FSTL4: variants seen among roughly 807,000 people sequenced by gnomAD.
FSTL4 encodes follistatin like 4.
A neutral mutation model predicts 78.2 loss-of-function variants in FSTL4; 28 were observed. The ratio of observed to expected loss-of-function variants is 0.36; its 90% CI spans 0.27 to 0.49. The LOEUF (loss-of-function observed/expected upper bound fraction) is 0.49. Ranked by LOEUF, FSTL4 falls within the 20% of genes least tolerant of loss-of-function variation. The pLI, the probability that FSTL4 is intolerant of heterozygous loss-of-function variation, is 0.98. For synonymous variants in FSTL4, 422 were observed against 440.5 expected (o/e 0.96, Z 0.53); for missense variants, 922 against 1,084.9 (o/e 0.85, Z 2.11).
intron 4 of FSTL4, among the ~76,000 whole-genome samples, chr5:133,392,823 T>C (rs1396333074): frequency 6.6e-6 from 1 of 152,184 alleles, no homozygotes; most frequent in Admixed American, 6.5e-5. Context: ...TCGGAGGCTG[T>C]AGCTTGTTTC....
At chr5:133,218,508 G>T (rs757376333) in intron 12 of FSTL4, among the ~76,000 whole-genome samples, 1 of 152,062 alleles carries the variant, frequency 6.6e-6, no homozygotes, top group Non-Finnish European at 1.5e-5. Context: ...TTCTTGTTCA[G>T]AATAAAATCC....
At chr5:133,793,503 G>A in the FSTL4 span, among the ~76,000 whole-genome samples, 7 of 152,236 alleles carry the variant, frequency 4.6e-5, no homozygotes, top group African/African-American at 1.7e-4. Flanking sequence ...AGGCTCAGAG[G>A]ACCTAAGTCC....
At chr5:133,685,641 C>A in the FSTL4 span, among the ~76,000 whole-genome samples, 2 of 152,242 alleles carry the variant, frequency 1.3e-5, no homozygotes, top group Non-Finnish European at 2.9e-5. Context: ...TGCCTCACCC[C>A]TCTCAGTGGG....
At chr5:133,343,868 G>A (rs997267630) in intron 4 of FSTL4, among the ~76,000 whole-genome samples, 1 of 152,148 alleles carries the variant, frequency 6.6e-6, no homozygotes, top group African/African-American at 2.4e-5. Context: ...CAGGATGGTC[G>A]AGGGAAACAA....
intron 3 of FSTL4, among the ~76,000 whole-genome samples, chr5:133,405,186 T>A (rs1756329361): frequency 6.6e-6 from 1 of 152,174 alleles, no homozygotes; most frequent in Admixed American, 6.5e-5. Context: ...GACCTAGCAC[T>A]GAATTCCACA....
the FSTL4 span, among the ~76,000 whole-genome samples, chr5:133,668,492 C>T: frequency 6.6e-6 from 1 of 152,222 alleles, no homozygotes; most frequent in Non-Finnish European, 1.5e-5. Flanking sequence ...ATTTCCTCTA[C>T]ATTCTGCGAG....
intron 4 of FSTL4, among the ~76,000 whole-genome samples, chr5:133,360,815 C>T (rs1352032044): frequency 1.3e-5 from 2 of 152,172 alleles, no homozygotes; most frequent in Non-Finnish European, 2.9e-5. Flanking sequence ...AAAGCCTCTT[C>T]GTCTCTTCTG....
At chr5:133,621,601 G>A in the FSTL4 span, among the ~76,000 whole-genome samples, 1 of 152,178 alleles carries the variant, frequency 6.6e-6, no homozygotes, top group Non-Finnish European at 1.5e-5. Flanking sequence ...GGACTTGGGG[G>A]AAAGAGTTGG....
At chr5:133,558,881 G>A (rs1759855391) in intron 3 of FSTL4, among the ~76,000 whole-genome samples, 1 of 152,138 alleles carries the variant, frequency 6.6e-6, no homozygotes. Flanking sequence ...GAGTGAGTGA[G>A]GCCAATCAGG....
intron 4 of FSTL4, among the ~76,000 whole-genome samples, chr5:133,397,494 T>C (rs1756088617): frequency 6.6e-6 from 1 of 152,228 alleles, no homozygotes; most frequent in South Asian, 2.1e-4. Context: ...ATATATTTCA[T>C]TTTATATTCA....
chr5:133,627,654 G>C, the FSTL4 span, among the ~76,000 whole-genome samples: 1 of 152,122 alleles, frequency 6.6e-6, no homozygotes, highest in Non-Finnish European at 1.5e-5. Context: ...ATTTCTTACA[G>C]ACAGCATATA....
At chr5:133,484,469 GA>G (rs1404457471) in intron 3 of FSTL4, among the ~76,000 whole-genome samples, 1 of 152,180 alleles carries the variant, frequency 6.6e-6, no homozygotes. Flanking sequence ...TAGCCCACAT[GA>G]GAGAAAAGCT....
chr5:133,830,430 G>A, the FSTL4 span, among the ~76,000 whole-genome samples: 1 of 152,136 alleles, frequency 6.6e-6, no homozygotes, highest in Admixed American at 6.5e-5. Context: ...GAAGTGGGGG[G>A]CCACCATTGC....
chr5:133,805,878 C>T, the FSTL4 span, among the ~76,000 whole-genome samples: 3 of 152,186 alleles, frequency 2.0e-5, no homozygotes, highest in African/African-American at 7.2e-5. Context: ...ATCTCAGTGT[C>T]ATCATCTCTA....
At chr5:133,571,439 A>G (rs1389771224) in intron 2 of FSTL4, among the ~76,000 whole-genome samples, 1 of 152,270 alleles carries the variant, frequency 6.6e-6, no homozygotes, top group Non-Finnish European at 1.5e-5. Context: ...CCAAGAAAAC[A>G]GACCACAGAA....
chr5:133,721,016 T>C, the FSTL4 span: 1 of 152,190 alleles, frequency 6.6e-6, no homozygotes, highest in African/African-American at 2.4e-5. Flanking sequence ...TGCCTGCCAC[T>C]GGCCAGAACT....
At chr5:133,365,913 G>T (rs1181493797) in intron 4 of FSTL4, among the ~76,000 whole-genome samples, 1 of 152,138 alleles carries the variant, frequency 6.6e-6, no homozygotes, top group African/African-American at 2.4e-5. Context: ...GACTGGCAGG[G>T]GCTGGTGGTA....
Position 133,210,224 on chromosome 5 carries a change from C to G in FSTL4, c.1683G>C (p.Trp561Cys). The G allele has an allele frequency of 6.2e-7, 1 of 1,612,154 alleles. No homozygotes were observed. The highest frequency in any genetic ancestry group is 8.5e-7 in the Non-Finnish European group (1 of 1,178,334). The change falls in exon 14 of 16, where the codon TGG becomes TGC. Residue 561 changes from tryptophan (W) to cysteine (C), a missense_variant. Transcript: ENST00000265342. The stretch of plus-strand genomic sequence containing the variant: ...TTGGTCGGGACTTGTGCACGTCCCC[C>G]CAGCTCAGGACCCACACTTGGTCAT... Reference protein sequence around the residue: ...KSHDQVWVLSWGDVHKSRPSL... With the variant: ...KSHDQVWVLSCGDVHKSRPSL...
At chr5:133,503,667 C>T (rs371471024) in intron 3 of FSTL4, among the ~76,000 whole-genome samples, 1 of 152,224 alleles carries the variant, frequency 6.6e-6, no homozygotes, top group South Asian at 2.1e-4. Context: ...TTTTGCCATC[C>T]ACATGCTGAT....
Sources: allele counts gnomAD v4.1 joint callset (sites outside exome capture counted in the v4.1 genomes callset), GRCh38; gene constraint gnomAD v4.1.1; transcripts MANE v1.5; gene names NCBI Gene and HGNC (gene_info 2026-07-23, HGNC 2026-07-21).